Variants in NRXN3 observed in about 807,000 individuals in gnomAD.
The protein encoded by NRXN3 is neurexin 3.
In NRXN3, 32 loss-of-function variants were observed where a neutral mutation model predicts 137.6. That is an observed-to-expected ratio of 0.23 (90% CI 0.18 to 0.31). The LOEUF is 0.31. NRXN3 is among the 10% of genes least tolerant of loss of function. NRXN3 has a pLI of 1.00. For missense variants in NRXN3, 1,574 were observed against 2,062.5 expected, an observed-to-expected ratio of 0.76 and a Z score of 4.59; for synonymous variants, 798 against 784.5, an observed-to-expected ratio of 1.02 and a Z score of -0.29.
chr14:79,142,039 A>G (rs751254354), intron 15 of NRXN3, among the ~76,000 whole-genome samples: 1 of 152,198 alleles, frequency 6.6e-6, no homozygotes, highest in Non-Finnish European at 1.5e-5. Context: ...ACAATGAAAA[A>G]GCAATGAGAT....
intron 15 of NRXN3, among the ~76,000 whole-genome samples, chr14:79,321,028 T>A (rs1364168013): frequency 2.0e-5 from 3 of 152,196 alleles, no homozygotes; most frequent in African/African-American, 7.2e-5. Flanking sequence ...AGCGATTTTG[T>A]AATTTTATTC....
chr14:79,376,328 T>C (rs911319402), intron 15 of NRXN3, among the ~76,000 whole-genome samples: 4 of 147,450 alleles, frequency 2.7e-5, no homozygotes, highest in African/African-American at 1.0e-4. Context: ...CTTGACCCAT[T>C]ACCTCCCCAA....
intron 16 of NRXN3, among the ~76,000 whole-genome samples, chr14:79,534,520 G>T (rs2097195206): frequency 6.6e-6 from 1 of 152,064 alleles, no homozygotes; most frequent in Non-Finnish European, 1.5e-5. Context: ...TTAACACAAA[G>T]ATCAGAAATT....
intron 10 of NRXN3, among the ~76,000 whole-genome samples, chr14:78,921,428 T>TA (rs2099270680): frequency 6.6e-6 from 1 of 152,008 alleles, no homozygotes; most frequent in South Asian, 2.1e-4. Flanking sequence ...CAGAAACACT[T>TA]ACCTCCATAT....
At chr14:78,380,784 T>C (rs916579955) in intron 4 of NRXN3, among the ~76,000 whole-genome samples, 1 of 85,736 alleles carries the variant, frequency 1.2e-5, no homozygotes, top group South Asian at 4.9e-4. Context: ...TTTCAAATCT[T>C]ATCAAGTTTT....
chr14:79,265,331 T>A (rs1409591081), intron 15 of NRXN3, among the ~76,000 whole-genome samples: 1 of 151,504 alleles, frequency 6.6e-6, no homozygotes, highest in Non-Finnish European at 1.5e-5. Flanking sequence ...TTCTTGTCAT[T>A]TTTATTTATG....
chr14:78,798,635 C>T (rs2098829545), intron 8 of NRXN3, among the ~76,000 whole-genome samples: 1 of 152,232 alleles, frequency 6.6e-6, no homozygotes, highest in Non-Finnish European at 1.5e-5. Context: ...GGCTCACACC[C>T]CACATTTCCC....
chr14:79,329,178 T>TG (rs2091324599), intron 15 of NRXN3, among the ~76,000 whole-genome samples: 1 of 152,182 alleles, frequency 6.6e-6, no homozygotes, highest in South Asian at 2.1e-4. Flanking sequence ...GCAATCGCTT[T>TG]GAGTCTCATT....
rs139634065 is a variant in NRXN3 at position 79,169,991 on chromosome 14, C to A, written c.3262+181850C>A. On this transcript the variant is annotated intron_variant, in intron 15 of 20. Transcript: ENST00000335750. ...TGACCTAAGCTAGGGTAGGCATAAGCTGGCGTGTCTTATCTCTTATGCAAA... is the reference window on the plus strand; with the variant it reads ...TGACCTAAGCTAGGGTAGGCATAAGATGGCGTGTCTTATCTCTTATGCAAA... Among the ~76,000 whole-genome samples the A allele has an allele frequency of 9.1e-4, 139 of 152,190 alleles. 1 individual carries two copies. Among genetic ancestry groups the A allele is most frequent in the Middle Eastern group, 6.8e-3 (2 of 294 alleles).
chr14:79,428,527 CAG>C (rs1171525373), intron 15 of NRXN3, among the ~76,000 whole-genome samples: 2 of 151,908 alleles, frequency 1.3e-5, no homozygotes, highest in Non-Finnish European at 2.9e-5. Context: ...AAATTCTAAA[CAG>C]AGAAATCAAA....
intron 15 of NRXN3, among the ~76,000 whole-genome samples, chr14:79,229,939 T>C (rs1258685879): frequency 6.6e-6 from 1 of 152,130 alleles, no homozygotes. Flanking sequence ...AGGAGCTCTC[T>C]GAGAGATGGA....
At chr14:78,806,104 C>T (rs1041791193) in intron 9 of NRXN3, among the ~76,000 whole-genome samples, 4 of 147,182 alleles carry the variant, frequency 2.7e-5, no homozygotes, top group Non-Finnish European at 4.4e-5. Context: ...CTAGCTCCTG[C>T]TGCGTTGAAC....
At chr14:78,473,284 C>T (rs2095314801) in intron 4 of NRXN3, among the ~76,000 whole-genome samples, 1 of 151,806 alleles carries the variant, frequency 6.6e-6, no homozygotes, top group Admixed American at 6.6e-5. Flanking sequence ...CTCCTGTAGT[C>T]CCAGCTACTC....
intron 20 of NRXN3, among the ~76,000 whole-genome samples, chr14:79,859,030 G>GTGAT (rs2099408954): frequency 6.7e-6 from 1 of 148,936 alleles, no homozygotes; most frequent in Non-Finnish European, 1.5e-5. Flanking sequence ...TACAGTAAGT[G>GTGAT]TGAATCTTTG....
chr14:79,093,774 A>G lies in NRXN3; in HGVS notation c.3262+105633A>G, dbSNP rs184966686. Among the ~76,000 whole-genome samples the G allele has an allele frequency of 2.1e-3, 319 of 150,332 alleles. 3 individuals carry two copies. The highest frequency in any genetic ancestry group is 3.0e-3 in the Admixed American group (45 of 14,920). ...TTCATTGTTTTGTTTTCAAGAGACA[A>G]TTGTGCCTGAGGCTGGAGCTTGCTC... On this transcript the variant is annotated intron_variant, in intron 15 of 20. Transcript: ENST00000335750.
At chr14:79,788,433 C>G (rs1459070948) in intron 19 of NRXN3, among the ~76,000 whole-genome samples, 1 of 152,160 alleles carries the variant, frequency 6.6e-6, no homozygotes, top group Non-Finnish European at 1.5e-5. Flanking sequence ...TATAGTAACC[C>G]TACGGGTGAT....
chr14:79,186,338 T>C (rs542030268), intron 15 of NRXN3, among the ~76,000 whole-genome samples: 2 of 152,306 alleles, frequency 1.3e-5, no homozygotes, highest in East Asian at 3.9e-4. Flanking sequence ...TGTGGGACTT[T>C]TAGACCTTTT....
At chr14:79,699,904 A>G (rs2098748624) in intron 19 of NRXN3, among the ~76,000 whole-genome samples, 1 of 152,054 alleles carries the variant, frequency 6.6e-6, no homozygotes, top group South Asian at 2.1e-4. Context: ...CTTGGAGGAA[A>G]GCCAATAGCC....
intron 10 of NRXN3, among the ~76,000 whole-genome samples, chr14:78,813,993 C>A (rs992266900): frequency 6.6e-6 from 1 of 152,064 alleles, no homozygotes; most frequent in Non-Finnish European, 1.5e-5. Context: ...TTTTTTAATA[C>A]TTTGTCTTTC....
Sources: allele counts gnomAD v4.1 joint callset (sites outside exome capture counted in the v4.1 genomes callset), GRCh38; gene constraint gnomAD v4.1.1; transcripts MANE v1.5; gene names NCBI Gene and HGNC (gene_info 2026-07-23, HGNC 2026-07-21).